Variants in SAMD12 observed in about 807,000 individuals in gnomAD.
SAMD12 encodes the protein sterile alpha motif domain-containing protein 12.
Under a neutral mutation model 15.0 loss-of-function variants are expected in SAMD12, and 9 were observed. That is an observed-to-expected ratio of 0.60 (90% CI 0.36 to 1.05). The LOEUF (loss-of-function observed/expected upper bound fraction) is 1.05, where lower values mean the gene tolerates loss of function less well. Among genes scored for constraint, SAMD12 ranks in the 50% least tolerant of loss-of-function variants. The pLI, the probability that SAMD12 is intolerant of heterozygous loss-of-function variation, is 0.01. For synonymous variants in SAMD12, 86 were observed against 90.1 expected (o/e 0.96, Z 0.25); for missense variants, 230 against 234.2 (o/e 0.98, Z 0.12).
intron 3 of SAMD12, among the ~76,000 whole-genome samples, chr8:118,395,153 T>G (rs142940717): frequency 4.5e-4 from 68 of 152,226 alleles, no homozygotes; most frequent in Admixed American, 2.4e-3. Context: ...TGATAATGGG[T>G]TCAAAAGCTG....
intron 4 of SAMD12, among the ~76,000 whole-genome samples, chr8:118,272,971 C>T (rs1282634787): frequency 6.6e-6 from 1 of 152,186 alleles, no homozygotes; most frequent in African/African-American, 2.4e-5. Flanking sequence ...TTGATCCAAC[C>T]TCTGCCTGTT....
chr8:118,529,602 C>T (rs1458296159), intron 2 of SAMD12, among the ~76,000 whole-genome samples: 2 of 152,176 alleles, frequency 1.3e-5, no homozygotes, highest in Non-Finnish European at 2.9e-5. Context: ...TAGGTCAATG[C>T]ACACACATTA....
intron 1 of SAMD12, among the ~76,000 whole-genome samples, chr8:118,605,664 A>G (rs892986047): frequency 2.0e-5 from 3 of 151,804 alleles, no homozygotes; most frequent in Admixed American, 1.3e-4. Flanking sequence ...ATTTTTTTAA[A>G]GAAAGGAAAT....
intron 4 of SAMD12, among the ~76,000 whole-genome samples, chr8:118,250,505 T>C (rs937803234): frequency 8.1e-6 from 1 of 123,088 alleles, no homozygotes; most frequent in Non-Finnish European, 1.6e-5. Flanking sequence ...AAAAATGGAT[T>C]TTTTTTTTTT....
intron 4 of SAMD12, among the ~76,000 whole-genome samples, chr8:118,351,928 C>A (rs1817983649): frequency 6.6e-6 from 1 of 152,086 alleles, no homozygotes; most frequent in Non-Finnish European, 1.5e-5. Context: ...TGTCTTGAAG[C>A]CCTGGTGAAG....
At chr8:118,235,650 A>G (rs1399024704) in intron 4 of SAMD12, among the ~76,000 whole-genome samples, 3 of 152,172 alleles carry the variant, frequency 2.0e-5, no homozygotes, top group Admixed American at 6.5e-5. Context: ...AAGATACTTT[A>G]TACTTCAGAG....
intron 4 of SAMD12, among the ~76,000 whole-genome samples, chr8:118,248,501 TTGATGTC>T (rs1812746896): frequency 6.6e-6 from 1 of 152,120 alleles, no homozygotes; most frequent in Non-Finnish European, 1.5e-5. Flanking sequence ...GTTGCTCAGA[TTGATGTC>T]TGATGTCTGC....
chr8:118,608,383 G>A (rs764688808), intron 1 of SAMD12, among the ~76,000 whole-genome samples: 17 of 151,778 alleles, frequency 1.1e-4, no homozygotes, highest in Non-Finnish European at 1.9e-4. Context: ...TCGTCTTCCC[G>A]TCCCATTTCT....
Position 118,621,950 on chromosome 8 carries a change from A to G in SAMD12, c.-134T>C. On this transcript the variant is annotated 5_prime_UTR_variant, in exon 1 of 4. Transcript: ENST00000314727. ...GCTCCAGGACCAACCTGCCGCGGTCACGCAAAGCGAGGCAGCCGGCTCCCG... is the reference window on the plus strand; with the variant it reads ...GCTCCAGGACCAACCTGCCGCGGTCGCGCAAAGCGAGGCAGCCGGCTCCCG... The G allele has an allele frequency of 1.8e-6, 2 of 1,124,084 alleles. No individual in the cohort carries two copies. The highest frequency in any genetic ancestry group is 1.2e-5 in the South Asian group (1 of 80,332). The allele number at this position is 1,124,084 out of a possible 1,614,324, so 69.6% of individuals were successfully genotyped here.
chr8:118,546,918 A>C (rs1230197728), intron 2 of SAMD12, among the ~76,000 whole-genome samples: 3 of 152,218 alleles, frequency 2.0e-5, no homozygotes, highest in African/African-American at 7.2e-5. Flanking sequence ...TCAGGCATTT[A>C]ATTAAGGATA....
chr8:118,181,399 CCTCAAAATTCCATGAGAT>C, the SAMD12 span, among the ~76,000 whole-genome samples: 1 of 152,310 alleles, frequency 6.6e-6, no homozygotes, highest in Non-Finnish European at 1.5e-5. Context: ...GCTGCTGCCA[CCTCAAAATTCCATGAGAT>C]CCTTTTGCCG....
chr8:118,377,773 G>A (rs1198671392), downstream of SAMD12, among the ~76,000 whole-genome samples: 1 of 152,082 alleles, frequency 6.6e-6, no homozygotes, highest in Non-Finnish European at 1.5e-5. Flanking sequence ...CACATAATGC[G>A]TCACATGTGA....
intron 1 of SAMD12, among the ~76,000 whole-genome samples, chr8:118,587,220 G>A (rs911995519): frequency 6.6e-6 from 1 of 152,200 alleles, no homozygotes; most frequent in African/African-American, 2.4e-5. Flanking sequence ...GTTCCTGAAG[G>A]AGATGGTCCT....
At chr8:118,242,781 G>A (rs1812601844) in intron 4 of SAMD12, among the ~76,000 whole-genome samples, 1 of 152,124 alleles carries the variant, frequency 6.6e-6, no homozygotes, top group Non-Finnish European at 1.5e-5. Flanking sequence ...AATGAGAAAT[G>A]TAACTGGCTA....
At chr8:118,173,095 C>G in the SAMD12 span, among the ~76,000 whole-genome samples, 3 of 152,344 alleles carry the variant, frequency 2.0e-5, no homozygotes, top group African/African-American at 7.2e-5. Flanking sequence ...TCATACTTTT[C>G]AACAAGCTCC....
chr8:118,593,237 T>C (rs1453131017), intron 1 of SAMD12, among the ~76,000 whole-genome samples: 2 of 152,182 alleles, frequency 1.3e-5, no homozygotes, highest in Non-Finnish European at 2.9e-5. Flanking sequence ...ATTCATGAAT[T>C]GAGAATTAAC....
chr8:118,398,755 T>C (rs1820716174), intron 3 of SAMD12, among the ~76,000 whole-genome samples: 2 of 152,196 alleles, frequency 1.3e-5, no homozygotes, highest in Non-Finnish European at 2.9e-5. Context: ...GAAGTGATAG[T>C]CATGTTCATT....
At chr8:118,216,956 T>A (rs1182915383) in intron 4 of SAMD12, among the ~76,000 whole-genome samples, 1 of 152,214 alleles carries the variant, frequency 6.6e-6, no homozygotes, top group East Asian at 1.9e-4. Flanking sequence ...TCTATATCAG[T>A]TTTTCCTCTC....
intron 4 of SAMD12, among the ~76,000 whole-genome samples, chr8:118,226,647 A>T (rs944204169): frequency 1.3e-5 from 2 of 152,228 alleles, no homozygotes; most frequent in African/African-American, 2.4e-5. Flanking sequence ...AGATAAGTAC[A>T]TACATAGCCC....
Sources: allele counts gnomAD v4.1 joint callset (sites outside exome capture counted in the v4.1 genomes callset), GRCh38; gene constraint gnomAD v4.1.1; transcripts MANE v1.5; gene names NCBI Gene and HGNC (gene_info 2026-07-23, HGNC 2026-07-21).